UNC79: variants seen among roughly 807,000 people sequenced by gnomAD.
The protein encoded by UNC79 is unc-79 subunit of NALCN channel complex.
In UNC79, 37 loss-of-function variants were observed where a neutral mutation model predicts 283.1. That is an observed-to-expected ratio of 0.13 (90% CI 0.10 to 0.17). The LOEUF (loss-of-function observed/expected upper bound fraction) is 0.17. Among genes scored for constraint, UNC79 ranks in the 10% least tolerant of loss-of-function variants. The probability of loss-of-function intolerance (pLI) is 1.00; values close to 1 mark genes in which losing one functional copy is unlikely to be tolerated. For missense variants in UNC79, 2,272 were observed against 3,211.1 expected (o/e 0.71, Z 7.07); for synonymous variants, 1,107 against 1,200.2 (o/e 0.92, Z 1.61).
In UNC79 at chr14:93,673,335, G is replaced by C; in HGVS notation, c.6637-16G>C. 3 of 1,606,908 alleles carry C rather than the reference G, an allele frequency of 1.9e-6. No individual in the cohort carries two copies. The highest frequency in any genetic ancestry group is 3.3e-4 in the Middle Eastern group (2 of 6,026). On this transcript the variant is annotated splice_polypyrimidine_tract_variant and intron_variant, in intron 40 of 48. Coordinates refer to ENST00000555664, the Ensembl canonical transcript of UNC79. ...TTTCTAAAATCACTTACCTCCTTCT[G>C]TTTTGTTTTCTTTAGGAACGAGATA...
chr14:93,611,963 A>G (rs1042464268), intron 26 of UNC79, among the ~76,000 whole-genome samples: 1 of 152,248 alleles, frequency 6.6e-6, no homozygotes, highest in Non-Finnish European at 1.5e-5. Context: ...GGGCAGAAGA[A>G]CAAAGAGAGA....
At chr14:93,599,935 C>T (rs2142027692) in intron 24 of UNC79, among the ~76,000 whole-genome samples, 1 of 152,332 alleles carries the variant, frequency 6.6e-6, no homozygotes, top group South Asian at 2.1e-4. Flanking sequence ...GGCGTGGTGG[C>T]TCGCGCCTGT....
At chr14:93,432,404 T>C (rs1199333560) in intron 1 of UNC79, among the ~76,000 whole-genome samples, 1 of 152,230 alleles carries the variant, frequency 6.6e-6, no homozygotes, top group Non-Finnish European at 1.5e-5. Context: ...CTGAACTTTA[T>C]TTCCTCATCT....
intron 1 of UNC79, among the ~76,000 whole-genome samples, chr14:93,409,466 G>T (rs989099948): frequency 6.6e-6 from 1 of 152,144 alleles, no homozygotes; most frequent in Non-Finnish European, 1.5e-5. Context: ...CAAGGCAGGA[G>T]AATCACTTGA....
At chr14:93,664,917 C>T (rs559148900) in intron 40 of UNC79, among the ~76,000 whole-genome samples, 6 of 151,984 alleles carry the variant, frequency 3.9e-5, no homozygotes, top group Non-Finnish European at 5.9e-5. Context: ...TGAACATGAG[C>T]TCATAATCTA....
chr14:93,572,754 A>T, exon 16 of UNC79: 1 of 1,614,150 alleles, frequency 6.2e-7, no homozygotes, highest in Non-Finnish European at 8.5e-7. Context: ...GTTTGGTTTT[A>T]TTAGTTGTCG....
At chr14:93,403,065 G>A (rs1416319599) in intron 1 of UNC79, among the ~76,000 whole-genome samples, 1 of 152,176 alleles carries the variant, frequency 6.6e-6, no homozygotes, top group Non-Finnish European at 1.5e-5. Context: ...TCATAAATAG[G>A]TAGGAGACAA....
intron 34 of UNC79, 136 bp downstream of exon 37, chr14:93,643,833 A>G (rs2069304278): frequency 7.5e-7 from 1 of 1,334,380 alleles, no homozygotes; most frequent in African/African-American, 1.5e-5. Flanking sequence ...AACTCAGACT[A>G]GTTTTAAAAA....
intron 14 of UNC79, among the ~76,000 whole-genome samples, chr14:93,560,137 G>A (rs1292875168): frequency 2.0e-5 from 3 of 151,912 alleles, no homozygotes; most frequent in African/African-American, 7.3e-5. Context: ...AAGGTACAAG[G>A]TTTGAATAAA....
At chr14:93,494,814 G>A (rs1252325227) in intron 5 of UNC79, among the ~76,000 whole-genome samples, 2 of 152,194 alleles carry the variant, frequency 1.3e-5, no homozygotes, top group Non-Finnish European at 2.9e-5. Flanking sequence ...AGGCTTTAAA[G>A]TATAAACACA....
intron 7 of UNC79, among the ~76,000 whole-genome samples, chr14:93,499,295 G>A (rs190442843): frequency 3.7e-4 from 57 of 152,266 alleles, no homozygotes; most frequent in Middle Eastern, 3.4e-3. Context: ...CACAACATAC[G>A]GAAGCATTAA....
At chr14:93,650,075 G>A (rs2070080094) in intron 35 of UNC79, among the ~76,000 whole-genome samples, 1 of 152,120 alleles carries the variant, frequency 6.6e-6, no homozygotes, top group Non-Finnish European at 1.5e-5. Flanking sequence ...CCTACTGTAT[G>A]CACTCTTTTG....
chr14:93,604,918 G>C, intron 26 of UNC79: 1 of 1,586,778 alleles, frequency 6.3e-7, no homozygotes, highest in African/African-American at 1.3e-5. Flanking sequence ...CCAGGCATGA[G>C]CAGTCTGCTC....
At chr14:93,673,531 G>C in intron 41 of UNC79, 76 bp downstream of exon 44, 1 of 1,176,976 alleles carries the variant, frequency 8.5e-7, no homozygotes, top group Non-Finnish European at 1.2e-6. Context: ...GGTGTAGAGT[G>C]TATGCATAGA....
chr14:93,348,073 C>G (rs113042438), intron 1 of UNC79: 1 of 1,612,974 alleles, frequency 6.2e-7, no homozygotes, highest in Non-Finnish European at 8.5e-7. Flanking sequence ...CTTCTTAACA[C>G]CAGCTGCATA....
intron 1 of UNC79, among the ~76,000 whole-genome samples, chr14:93,348,757 T>C (rs1321271222): frequency 6.6e-6 from 1 of 152,226 alleles, no homozygotes; most frequent in East Asian, 1.9e-4. Context: ...GATGCTGTTA[T>C]CATGGGCAAC....
At chr14:93,586,697 A>G (rs539836148) in intron 21 of UNC79, 22 bp downstream of exon 21, 155 of 1,613,128 alleles carry the variant, frequency 9.6e-5, no homozygotes, top group Non-Finnish European at 1.3e-4. Flanking sequence ...GATGTCTTTG[A>G]ATACTTGGCT....
intron 1 of UNC79, among the ~76,000 whole-genome samples, chr14:93,463,122 C>T (rs942847935): frequency 1.3e-5 from 2 of 152,100 alleles, no homozygotes; most frequent in South Asian, 4.2e-4. Context: ...AAGAAGGATA[C>T]GTTCCAGGGG....
Position 93,572,151 on chromosome 14 carries a change from G to A in UNC79, c.1946+67G>A. On this transcript the variant is annotated intron_variant, in intron 15 of 48. Coordinates refer to ENST00000555664, the Ensembl canonical transcript of UNC79. ...ATCTAACGTTTGGTGAGCATGTACT[G>A]TATGCCGGTCACCCTACTAAGCGTT... is the stretch of plus-strand genomic sequence containing the variant. The A allele has an allele frequency of 2.0e-6, 3 of 1,517,030 alleles. No homozygotes were observed. In the Admixed American group the frequency reaches 5.6e-5, roughly 28 times the overall value. 94.0% of individuals were successfully genotyped at this position (1,517,030 alleles called of 1,614,324 possible).
Sources: gnomAD v4.1 joint callset for allele counts (sites outside exome capture counted in the v4.1 genomes callset) on GRCh38, gnomAD v4.1.1 for gene constraint, MANE v1.5 for transcripts, NCBI Gene and HGNC (gene_info 2026-07-23, HGNC 2026-07-21) for gene names.